Variants in QKI observed in about 807,000 individuals in gnomAD.
QKI encodes QKI, KH domain containing RNA binding.
Under a neutral mutation model 39.0 loss-of-function variants are expected in QKI, and 10 were observed. The observed-to-expected ratio is 0.26, with a 90% CI of 0.16 to 0.43. QKI has a LOEUF of 0.43. Among genes scored for constraint, QKI ranks in the 20% least tolerant of loss-of-function variants. The pLI is 1.00. For missense variants in QKI, 218 were observed against 428.0 expected (o/e 0.51, Z 4.33); for synonymous variants, 204 against 155.4 (o/e 1.31, Z -2.33).
At chr6:163,499,315 A>G (rs1778603395) in intron 3 of QKI, among the ~76,000 whole-genome samples, 1 of 152,180 alleles carries the variant, frequency 6.6e-6, no homozygotes, top group South Asian at 2.1e-4. Context: ...TAATATTTAG[A>G]TAGGCCACTG....
In QKI at chr6:163,566,742, G is replaced by A. The variant is rs777858938; in HGVS notation, c.956G>A (p.Arg319Gln). The change falls in exon 7 of 8, where the codon CGA (arginine) becomes CAA (glutamine). Residue 319 changes from arginine to glutamine, a missense_variant. Arg to Gln is a conservative substitution (Grantham distance 43). This residue lies in a region of QKI where 117 missense variants were observed against 186.0 expected (regional missense o/e 0.63). Transcript: ENST00000361752. Reference sequence around the variant, plus strand: ...CTAGGTGCGGTGGCTACTAAAGTTCGAAGGCACGATATGCGTGTCCATCCT... The same window carrying A: ...CTAGGTGCGGTGGCTACTAAAGTTCAAAGGCACGATATGCGTGTCCATCCT... ...GVLGAVATKVRRHDMRVHPYQ... is the reference protein window; with the variant it reads ...GVLGAVATKVQRHDMRVHPYQ... 2.5e-6 allele frequency: 4 copies of A among 1,613,694 alleles called. No homozygotes were observed. Among genetic ancestry groups the A allele is most frequent in the Non-Finnish European group, 3.4e-6 (4 of 1,179,834 alleles).
At chr6:163,553,419 T>C (rs12525340) in intron 4 of QKI, among the ~76,000 whole-genome samples, 7,323 of 152,144 alleles carry the variant, frequency 0.048, 216 homozygotes, top group African/African-American at 0.09. Context: ...CTATTTTTTA[T>C]CTTCTTTTGT....
chr6:163,536,109 C>G (rs1230664297), intron 4 of QKI, among the ~76,000 whole-genome samples: 1 of 151,806 alleles, frequency 6.6e-6, no homozygotes, highest in Non-Finnish European at 1.5e-5. Context: ...TTCCCATTAA[C>G]TTGATGAAAT....
At chr6:163,450,806 C>CT (rs1392761930) in intron 1 of QKI, among the ~76,000 whole-genome samples, 3 of 151,864 alleles carry the variant, frequency 2.0e-5, no homozygotes, top group African/African-American at 7.3e-5. Context: ...AAGGCAAATA[C>CT]TCCCCAAAGC....
chr6:163,455,163 CTTAT>C, intron 1 of QKI, 112 bp from the exon 2 acceptor site: 1 of 731,842 alleles, frequency 1.4e-6, no homozygotes. Context: ...CCAGGAGCTC[CTTAT>C]TTGAGTTTTA....
chr6:163,456,645 A>G (rs1790938622), intron 2 of QKI, among the ~76,000 whole-genome samples: 1 of 151,354 alleles, frequency 6.6e-6, no homozygotes, highest in South Asian at 2.1e-4. Flanking sequence ...TTGATCTGAT[A>G]CTTTTTTTTA....
At chr6:163,552,133 T>C (rs1782267829) in intron 4 of QKI, among the ~76,000 whole-genome samples, 1 of 151,444 alleles carries the variant, frequency 6.6e-6, no homozygotes, top group Non-Finnish European at 1.5e-5. Context: ...AAAATGTTAT[T>C]AAGAAAATCA....
At chr6:163,449,190 A>C (rs1790370313) in intron 1 of QKI, among the ~76,000 whole-genome samples, 1 of 152,208 alleles carries the variant, frequency 6.6e-6, no homozygotes, top group African/African-American at 2.4e-5. Context: ...GAGCCTATTT[A>C]AGCTTCAGAT....
chr6:163,444,932 A>G (rs1006274567), intron 1 of QKI, among the ~76,000 whole-genome samples: 1 of 151,898 alleles, frequency 6.6e-6, no homozygotes, highest in Non-Finnish European at 1.5e-5. Context: ...TATTTTTGAG[A>G]CAGGGTCCTG....
intron 4 of QKI, among the ~76,000 whole-genome samples, chr6:163,536,535 A>T (rs1781223505): frequency 6.6e-6 from 1 of 152,156 alleles, no homozygotes; most frequent in South Asian, 2.1e-4. Flanking sequence ...TGTGTCCCTG[A>T]CAACCGAGCC....
At chr6:163,523,956 A>G (rs1415446052) in intron 3 of QKI, among the ~76,000 whole-genome samples, 1 of 152,272 alleles carries the variant, frequency 6.6e-6, no homozygotes, top group Non-Finnish European at 1.5e-5. Flanking sequence ...CTTAGGGAGA[A>G]TGAATTTGGA....
At chr6:163,549,497 G>A (rs1041010405) in intron 4 of QKI, among the ~76,000 whole-genome samples, 13 of 152,200 alleles carry the variant, frequency 8.5e-5, no homozygotes, top group African/African-American at 3.1e-4. Context: ...GATCTCTTGA[G>A]GCCAGGAGTT....
intron 3 of QKI, among the ~76,000 whole-genome samples, chr6:163,494,552 A>C (rs1297608553): frequency 2.6e-5 from 4 of 152,178 alleles, no homozygotes; most frequent in African/African-American, 9.7e-5. Context: ...CTTTTTTGAT[A>C]TTGAGATAGA....
chr6:163,531,722 C>G (rs1466527122), intron 3 of QKI, among the ~76,000 whole-genome samples: 1 of 152,108 alleles, frequency 6.6e-6, no homozygotes, highest in Non-Finnish European at 1.5e-5. Flanking sequence ...CCAGGCTGGC[C>G]TTGAACTCCT....
chr6:163,520,768 T>C (rs1780103611), intron 3 of QKI, among the ~76,000 whole-genome samples: 2 of 152,188 alleles, frequency 1.3e-5, no homozygotes, highest in South Asian at 4.1e-4. Flanking sequence ...TTCAAGAAAA[T>C]GGAAAAACTG....
chr6:163,530,676 T>C (rs1016545543), intron 3 of QKI, among the ~76,000 whole-genome samples: 1 of 152,188 alleles, frequency 6.6e-6, no homozygotes, highest in Non-Finnish European at 1.5e-5. Flanking sequence ...ACATTTGATA[T>C]GCACATGGAT....
At chr6:163,485,746 C>G (rs927670378) in intron 3 of QKI, among the ~76,000 whole-genome samples, 1 of 152,184 alleles carries the variant, frequency 6.6e-6, no homozygotes, top group Non-Finnish European at 1.5e-5. Context: ...AAAGACTTAG[C>G]AATTCCAGTT....
At chr6:163,501,286 T>TAA (rs5881537) in intron 3 of QKI, among the ~76,000 whole-genome samples, 3,672 of 146,454 alleles carry the variant, frequency 0.025, 132 homozygotes, top group African/African-American at 0.077. Flanking sequence ...GTTTTAACAT[T>TAA]AAAAAAAAAA....
At chr6:163,535,444 C>T (rs913763070) in intron 4 of QKI, among the ~76,000 whole-genome samples, 4 of 152,102 alleles carry the variant, frequency 2.6e-5, no homozygotes, top group East Asian at 3.9e-4. Context: ...CCCTCTGCCC[C>T]CCTTCCTTGG....
Sources: allele counts gnomAD v4.1 joint callset (sites outside exome capture counted in the v4.1 genomes callset), GRCh38; gene constraint gnomAD v4.1.1; regional missense constraint gnomAD v4.1.1; transcripts MANE v1.5; gene names NCBI Gene and HGNC (gene_info 2026-07-23, HGNC 2026-07-21).